The following PLCXD3 variants were observed in gnomAD, a reference collection of about 807,000 sequenced individuals.
The protein encoded by PLCXD3 is PI-PLC X domain-containing protein 3.
A neutral mutation model predicts 25.5 loss-of-function variants in PLCXD3; 19 were observed. The observed-to-expected ratio is 0.75, with a 90% CI of 0.52 to 1.09. The LOEUF (loss-of-function observed/expected upper bound fraction) is 1.09. PLCXD3 is among the 50% of genes least tolerant of loss of function. PLCXD3 has a pLI of 0.00. For missense variants in PLCXD3, 411 were observed against 388.1 expected (o/e 1.06, Z -0.50); for synonymous variants, 174 against 137.6 (o/e 1.26, Z -1.85).
chr5:41,403,559 C>T (rs1746266863), intron 1 of PLCXD3, among the ~76,000 whole-genome samples: 1 of 83,116 alleles, frequency 1.2e-5, no homozygotes, highest in African/African-American at 4.7e-5. Flanking sequence ...CCCCACTCCC[C>T]CGACCCCACC....
At chr5:41,345,458 T>C (rs754553828) in intron 2 of PLCXD3, among the ~76,000 whole-genome samples, 2 of 152,160 alleles carry the variant, frequency 1.3e-5, no homozygotes, top group Non-Finnish European at 2.9e-5. Context: ...CGTTATCTAC[T>C]CTGATGCACT....
At chr5:41,332,137 A>T (rs1743834548) in intron 2 of PLCXD3, among the ~76,000 whole-genome samples, 1 of 152,130 alleles carries the variant, frequency 6.6e-6, no homozygotes, top group Non-Finnish European at 1.5e-5. Context: ...AAAAGAAACT[A>T]CCATCAGAGT....
chr5:41,487,791 C>G (rs889820739), intron 1 of PLCXD3, among the ~76,000 whole-genome samples: 1 of 151,142 alleles, frequency 6.6e-6, no homozygotes, highest in Non-Finnish European at 1.5e-5. Context: ...GGTATGAGGG[C>G]AAGAAAGAAT....
At chr5:41,389,543 A>G (rs1052038428) in intron 1 of PLCXD3, among the ~76,000 whole-genome samples, 1 of 152,192 alleles carries the variant, frequency 6.6e-6, no homozygotes, top group Admixed American at 6.5e-5. Context: ...ATAGGCAAAG[A>G]TAACCAACTG....
chr5:41,418,721 A>G (rs867888796), intron 1 of PLCXD3, among the ~76,000 whole-genome samples: 9 of 152,152 alleles, frequency 5.9e-5, no homozygotes, highest in African/African-American at 1.4e-4. Context: ...ACTGCCTTCC[A>G]TCCCAGATAC....
chr5:41,340,578 G>T (rs1452606728), intron 2 of PLCXD3, among the ~76,000 whole-genome samples: 1 of 152,090 alleles, frequency 6.6e-6, no homozygotes, highest in African/African-American at 2.4e-5. Context: ...GATGGCCATG[G>T]TCTCTGATGA....
chr5:41,428,410 G>A (rs1163511626), intron 1 of PLCXD3, among the ~76,000 whole-genome samples: 3 of 138,528 alleles, frequency 2.2e-5, no homozygotes, highest in African/African-American at 7.9e-5. Context: ...TTTAGGGTGG[G>A]CCCTAATCCA....
intron 1 of PLCXD3, among the ~76,000 whole-genome samples, chr5:41,447,971 G>A (rs888783988): frequency 1.5e-4 from 23 of 152,192 alleles, no homozygotes; most frequent in African/African-American, 5.6e-4. Context: ...CAGTACAAAT[G>A]CCACCAATCA....
In PLCXD3 at chr5:41,336,580, A is replaced by G. The variant is rs377214942; in HGVS notation, c.813-22810T>C. ...GAGCCTCCCAGAGCTTCCCTTCCAG[A>G]TGGAGAGTGCTCATTCTTCTAGCTT... On this transcript the variant is annotated intron_variant, in intron 2 of 2. Transcript: ENST00000377801. Among the ~76,000 whole-genome samples the G allele has an allele frequency of 2.0e-5, 3 of 152,264 alleles. No individual in the cohort carries two copies. The East Asian group carries it at 5.8e-4, about 29-fold the overall frequency.
At chr5:41,319,424 A>G (rs1743395886) in intron 2 of PLCXD3, among the ~76,000 whole-genome samples, 1 of 152,194 alleles carries the variant, frequency 6.6e-6, no homozygotes, top group Non-Finnish European at 1.5e-5. Flanking sequence ...TCTGACCACA[A>G]TGGGATATAA....
intron 1 of PLCXD3, among the ~76,000 whole-genome samples, chr5:41,438,992 A>T (rs2150511013): frequency 6.6e-6 from 1 of 152,312 alleles, no homozygotes; most frequent in East Asian, 1.9e-4. Flanking sequence ...GTTTGTTTTA[A>T]TGTAGGAGAG....
At chr5:41,401,154 T>C (rs1746174086) in intron 1 of PLCXD3, among the ~76,000 whole-genome samples, 1 of 152,060 alleles carries the variant, frequency 6.6e-6, no homozygotes, top group African/African-American at 2.4e-5. Flanking sequence ...TTTCTTTCAG[T>C]GTGTGACTTT....
chr5:41,477,594 A>T (rs1009762419), intron 1 of PLCXD3, among the ~76,000 whole-genome samples: 1 of 152,072 alleles, frequency 6.6e-6, no homozygotes, highest in Non-Finnish European at 1.5e-5. Flanking sequence ...TGTCCCTCCC[A>T]TGATTCTAAT....
At chr5:41,352,484 C>T (rs928658992) in intron 2 of PLCXD3, among the ~76,000 whole-genome samples, 1 of 152,146 alleles carries the variant, frequency 6.6e-6, no homozygotes, top group African/African-American at 2.4e-5. Context: ...TTAGCAACAT[C>T]TAACAAATTT....
At chr5:41,346,227 A>T (rs1016735533) in intron 2 of PLCXD3, among the ~76,000 whole-genome samples, 4 of 152,250 alleles carry the variant, frequency 2.6e-5, no homozygotes, top group African/African-American at 9.6e-5. Context: ...AAGTACAGAG[A>T]GTGCTCATAT....
rs2150465171 is a variant in PLCXD3 at position 41,309,726 on chromosome 5, T to C, written c.*3891A>G. 1 of 152,246 alleles carries C rather than the reference T, an allele frequency of 6.6e-6. No individual in the cohort carries two copies. Among genetic ancestry groups the C allele is most frequent in the Non-Finnish European group, 1.5e-5 (1 of 67,976 alleles). 9.4% of individuals were successfully genotyped at this position (152,246 alleles called of 1,614,324 possible). A position where few individuals can be genotyped will look rare whatever the true frequency, so the allele number is the denominator to read the frequency against. On this transcript the variant is annotated 3_prime_UTR_variant, in exon 3 of 3. Coordinates refer to ENST00000377801, the MANE Select transcript of PLCXD3 (RefSeq NM_001005473.3). ...TTTAAGTGAAGATGTGTGTATGTGTTTGTAATTTATATTCTAGTCCATTAT... is the reference window on the plus strand; with the variant it reads ...TTTAAGTGAAGATGTGTGTATGTGTCTGTAATTTATATTCTAGTCCATTAT...
chr5:41,412,920 A>G (rs1746601183), intron 1 of PLCXD3, among the ~76,000 whole-genome samples: 1 of 152,208 alleles, frequency 6.6e-6, no homozygotes, highest in African/African-American at 2.4e-5. Flanking sequence ...GGAATTGTTT[A>G]GACTGGATTT....
rs1743066355 is a variant in PLCXD3 at position 41,309,115 on chromosome 5, C to T, written c.*4502G>A. ...TTGATTTTTGATAAGATATTATATA[C>T]TTACACACACATACCACATACAAGC... On this transcript the variant is annotated 3_prime_UTR_variant, in exon 3 of 3. Transcript: ENST00000377801. The T allele has an allele frequency of 2.0e-5, 3 of 152,652 alleles. No individual in the cohort carries two copies. The South Asian group carries it at 6.2e-4, about 32-fold the overall frequency. 9.5% of individuals were successfully genotyped at this position (152,652 alleles called of 1,614,324 possible). A position where few individuals can be genotyped will look rare whatever the true frequency, so the allele number is the denominator to read the frequency against.
chr5:41,404,498 G>A (rs952727908), intron 1 of PLCXD3, among the ~76,000 whole-genome samples: 4 of 152,026 alleles, frequency 2.6e-5, no homozygotes, highest in African/African-American at 7.2e-5. Context: ...TTAAGTTGCA[G>A]AATTTAGGTT....
Sources: gnomAD v4.1 joint callset for allele counts (sites outside exome capture counted in the v4.1 genomes callset) on GRCh38, gnomAD v4.1.1 for gene constraint, MANE v1.5 for transcripts, NCBI Gene and HGNC (gene_info 2026-07-23, HGNC 2026-07-21) for gene names.